The following KLHL8 variants were observed in gnomAD, a reference collection of about 807,000 sequenced individuals.
KLHL8 encodes kelch-like protein 8.
KLHL8 carries 38 observed loss-of-function variants against 63.5 expected under a neutral mutation model. That is an observed-to-expected ratio of 0.60 (90% CI 0.46 to 0.78). The LOEUF is 0.78. Ranked by LOEUF, KLHL8 falls within the 30% of genes least tolerant of loss-of-function variation. The probability of loss-of-function intolerance (pLI) is 0.00; values close to 1 mark genes in which losing one functional copy is unlikely to be tolerated. For synonymous variants in KLHL8, 224 were observed against 254.3 expected, an observed-to-expected ratio of 0.88 and a Z score of 1.13; for missense variants, 566 against 752.4, an observed-to-expected ratio of 0.75 and a Z score of 2.90.
upstream of KLHL8, among the ~76,000 whole-genome samples, chr4:87,223,715 C>CA (rs138687781): frequency 0.16 from 23,928 of 151,482 alleles, 2,267 homozygotes; most frequent in South Asian, 0.24. Flanking sequence ...TAAACTGGGG[C>CA]AAAAAAAATC....
At chr4:87,179,327 G>A (rs572437165) in intron 4 of KLHL8, among the ~76,000 whole-genome samples, 1 of 152,066 alleles carries the variant, frequency 6.6e-6, no homozygotes, top group African/African-American at 2.4e-5. Flanking sequence ...CTTAACTACT[G>A]CAAAATCCTG....
rs1730635505 is a variant in KLHL8, at chr4:87,171,508, CT to C, written c.1209-894del. ...CATTCACTTTCAAGCTCCTCAACCTCTTTTCTCTTGGGTATAAAGCTATGAC... is the reference window on the plus strand; with the variant it reads ...CATTCACTTTCAAGCTCCTCAACCTCTTTCTCTTGGGTATAAAGCTATGAC... On this transcript the variant is annotated intron_variant, in intron 6 of 9. Coordinates refer to ENST00000273963, the MANE Select transcript of KLHL8 (RefSeq NM_020803.5). Among the ~76,000 whole-genome samples the C allele has an allele frequency of 2.0e-5, 3 of 152,172 alleles. No individual in the cohort carries two copies. In the South Asian group the frequency reaches 6.2e-4, roughly 31 times the overall value.
At chr4:87,168,800 A>G (rs148652680) in intron 8 of KLHL8, among the ~76,000 whole-genome samples, 8 of 24,358 alleles carry the variant, frequency 3.3e-4, no homozygotes, top group Non-Finnish European at 9.9e-4. Flanking sequence ...ATATACACAC[A>G]TATATATACA....
chr4:87,211,986 C>T (rs1358209931), intron 1 of KLHL8, among the ~76,000 whole-genome samples: 1 of 152,064 alleles, frequency 6.6e-6, no homozygotes, highest in Non-Finnish European at 1.5e-5. Context: ...GTTAGTAGTA[C>T]AGCAACACTG....
In KLHL8 at chr4:87,175,436, A is replaced by G. The variant is rs373675649; in HGVS notation, c.1208+1321T>C. Among the ~76,000 whole-genome samples, 45 of 152,288 alleles carry G rather than the reference A, an allele frequency of 3.0e-4. No homozygotes were observed. The East Asian group carries it at 8.3e-3, about 28-fold the overall frequency. On this transcript the variant is annotated intron_variant, in intron 6 of 9. Coordinates refer to ENST00000273963, the MANE Select transcript of KLHL8 (RefSeq NM_020803.5). ...ACTTTTCTCCATATGAAACAATCAA[A>G]AACCTGATTTCCCACCATGTTATGT...
intron 6 of KLHL8, among the ~76,000 whole-genome samples, chr4:87,176,537 C>T (rs1730822370): frequency 6.6e-6 from 1 of 152,084 alleles, no homozygotes; most frequent in Non-Finnish European, 1.5e-5. Context: ...TAAGTGAAAA[C>T]TGTGACTACC....
intron 3 of KLHL8, among the ~76,000 whole-genome samples, chr4:87,184,675 A>G (rs1731183851): frequency 6.6e-6 from 1 of 152,148 alleles, no homozygotes; most frequent in African/African-American, 2.4e-5. Flanking sequence ...GACAAAAGAA[A>G]AAAAGATCAC....
At chr4:87,227,209 A>G (rs886594808) in intron 1 of KLHL8, among the ~76,000 whole-genome samples, 4 of 151,568 alleles carry the variant, frequency 2.6e-5, no homozygotes, top group Non-Finnish European at 2.9e-5. Flanking sequence ...AAGCCCAGCT[A>G]AAAGTGCAAC....
At position 87,161,766 on chromosome 4, in the gene KLHL8, GGACT is replaced by G. The variant is rs1183719062; in HGVS notation, c.*1749_*1752del. The G allele has an allele frequency of 2.0e-5, 3 of 150,250 alleles. No homozygotes were observed. Among genetic ancestry groups the G allele is most frequent in the Non-Finnish European group, 4.4e-5 (3 of 67,990 alleles). 9.3% of individuals were successfully genotyped at this position (150,250 alleles called of 1,614,324 possible). A position where few individuals can be genotyped will look rare whatever the true frequency, so the allele number is the denominator to read the frequency against. On this transcript the variant is annotated 3_prime_UTR_variant, in exon 10 of 10. Transcript: ENST00000273963. ...AAGTGCTACAGGGTTAACTGCCTCT[GGACT>G]GACTGAAATATGGTTGTACTTACAC...
At chr4:87,193,176 C>A (rs1483427536) in intron 2 of KLHL8, among the ~76,000 whole-genome samples, 2 of 152,106 alleles carry the variant, frequency 1.3e-5, no homozygotes, top group Admixed American at 1.3e-4. Context: ...TAACACTTAG[C>A]CTAAAACACA....
At chr4:87,177,363 C>T (rs1426930405) in intron 5 of KLHL8, among the ~76,000 whole-genome samples, 3 of 151,786 alleles carry the variant, frequency 2.0e-5, no homozygotes, top group African/African-American at 4.8e-5. Context: ...AAATATTACC[C>T]GGGTGTGGTG....
chr4:87,234,042 TG>T (rs1213790004), intron 1 of KLHL8, among the ~76,000 whole-genome samples: 1 of 152,228 alleles, frequency 6.6e-6, no homozygotes, highest in Non-Finnish European at 1.5e-5. Flanking sequence ...GAATGAGTTC[TG>T]GGTCCATACT....
At chr4:87,189,830 C>A (rs1269037750) in intron 2 of KLHL8, among the ~76,000 whole-genome samples, 1 of 151,652 alleles carries the variant, frequency 6.6e-6, no homozygotes. Context: ...GAGATGGAGA[C>A]CATCCTGGCT....
chr4:87,209,967 C>T (rs1188892578), intron 1 of KLHL8, among the ~76,000 whole-genome samples: 1 of 151,892 alleles, frequency 6.6e-6, no homozygotes, highest in Non-Finnish European at 1.5e-5. Flanking sequence ...CATCCTCCCA[C>T]CTCAGCCTTC....
At chr4:87,188,913 CTTT>C (rs1171776056) in intron 2 of KLHL8, among the ~76,000 whole-genome samples, 1 of 152,178 alleles carries the variant, frequency 6.6e-6, no homozygotes, top group South Asian at 2.1e-4. Flanking sequence ...TACATTCTTT[CTTT>C]GTTAGATCAG....
rs1253443037 is a variant in KLHL8 at position 87,163,507 on chromosome 4, C to T, written c.*12G>A. 1 of 1,613,276 alleles carries T rather than the reference C, an allele frequency of 6.2e-7. No homozygotes were observed. The highest frequency in any genetic ancestry group is 8.5e-7 in the Non-Finnish European group (1 of 1,179,648). On this transcript the variant is annotated 3_prime_UTR_variant, in exon 10 of 10. Coordinates refer to ENST00000273963, the MANE Select transcript of KLHL8 (RefSeq NM_020803.5). ...TCAGATATGACTAAATTGTTGGTGG[C>T]CAGAACTCAAATCACATACAGTCAA...
rs55768863 is a variant in KLHL8 at position 87,231,722 on chromosome 4, G to A, written n.57+8536C>T. The stretch of plus-strand genomic sequence containing the variant: ...AGCGATTCTCCTGCCTCAGCTTCCC[G>A]AGCAGCTGGGACTACAGGCGTGAAC... On this transcript the variant is annotated intron_variant and non_coding_transcript_variant, in intron 1 of 1. Coordinates refer to the KLHL8 transcript ENST00000506274. Among the ~76,000 whole-genome samples the A allele has an allele frequency of 5.3e-3, 803 of 152,024 alleles. 6 individuals are homozygous for A. The highest frequency in any genetic ancestry group is 0.017 in the Middle Eastern group (5 of 294).
chr4:87,226,767 AAT>A lies in KLHL8; in HGVS notation n.58-5379_58-5378del, dbSNP rs1230067794. Among the ~76,000 whole-genome samples, 14 of 22,302 alleles carry A rather than the reference AAT, an allele frequency of 6.3e-4. 4 individuals are homozygous for A. The highest frequency in any genetic ancestry group is 1.3e-4 in the Non-Finnish European group (2 of 15,416). The allele number at this position is 22,302 out of a possible 152,430, so 14.6% of individuals were successfully genotyped here. A position where few individuals can be genotyped will look rare whatever the true frequency, so the allele number is the denominator to read the frequency against. On this transcript the variant is annotated intron_variant and non_coding_transcript_variant, in intron 1 of 1. Transcript: ENST00000506274. ...TATATAATATATATTATTTATATAT[AAT>A]ATATATTATATATATAATATATATT...
Position 87,185,811 on chromosome 4 carries a change from A to C in KLHL8, c.217-12T>G. The C allele has an allele frequency of 6.4e-7, 1 of 1,556,492 alleles. No individual in the cohort carries two copies. Among genetic ancestry groups the C allele is most frequent in the Admixed American group, 2.0e-5 (1 of 49,780 alleles). On this transcript the variant is annotated splice_polypyrimidine_tract_variant and intron_variant, in intron 2 of 9. Transcript: ENST00000273963. ...AGCTTTGAGCCAACCTGTTCAAAAG[A>C]AACCAAGAAAGATTCTGTTTAATAT...
Sources: allele counts gnomAD v4.1 joint callset (sites outside exome capture counted in the v4.1 genomes callset), GRCh38; gene constraint gnomAD v4.1.1; transcripts MANE v1.5; gene names NCBI Gene and HGNC (gene_info 2026-07-23, HGNC 2026-07-21).